SLC24A3: variants seen among roughly 807,000 people sequenced by gnomAD.
The protein encoded by SLC24A3 is sodium/potassium/calcium exchanger 3.
SLC24A3 carries 28 observed loss-of-function variants against 75.8 expected under a neutral mutation model. That is an observed-to-expected ratio of 0.37 (90% confidence interval 0.27 to 0.51). The LOEUF (loss-of-function observed/expected upper bound fraction) is 0.51. Ranked by LOEUF, SLC24A3 falls within the 20% of genes least tolerant of loss-of-function variation. The pLI is 0.94. For missense variants in SLC24A3, 663 were observed against 847.8 expected (o/e 0.78, Z 2.71); for synonymous variants, 372 against 334.1 (o/e 1.11, Z -1.24).
At chr20:19,545,291 G>A (rs947277152) in intron 3 of SLC24A3, among the ~76,000 whole-genome samples, 2 of 152,328 alleles carry the variant, frequency 1.3e-5, no homozygotes, top group African/African-American at 2.4e-5. Flanking sequence ...GTGGACAAAC[G>A]CAGGTCGGGA....
At chr20:19,229,100 T>G (rs1234888371) in intron 1 of SLC24A3, among the ~76,000 whole-genome samples, 1 of 152,226 alleles carries the variant, frequency 6.6e-6, no homozygotes, top group Admixed American at 6.5e-5. Flanking sequence ...GTGGGTAATT[T>G]ATGTTTTCCT....
intron 2 of SLC24A3, among the ~76,000 whole-genome samples, chr20:19,449,746 T>C (rs772632434): frequency 6.6e-6 from 1 of 152,200 alleles, no homozygotes; most frequent in African/African-American, 2.4e-5. Flanking sequence ...AGGAATAACT[T>C]GCTACAGTAA....
At chr20:19,245,226 C>T (rs879336852) in intron 1 of SLC24A3, among the ~76,000 whole-genome samples, 4 of 152,072 alleles carry the variant, frequency 2.6e-5, no homozygotes, top group Non-Finnish European at 5.9e-5. Context: ...TCCTGGAAAC[C>T]TCATGCCAAG....
intron 2 of SLC24A3, among the ~76,000 whole-genome samples, chr20:19,384,967 G>A (rs1047145969): frequency 6.6e-6 from 1 of 152,030 alleles, no homozygotes; most frequent in East Asian, 1.9e-4. Flanking sequence ...CAGGACCCTT[G>A]ATCATTTTTT....
chr20:19,403,874 G>A (rs891947522), intron 2 of SLC24A3, among the ~76,000 whole-genome samples: 8 of 152,132 alleles, frequency 5.3e-5, no homozygotes, highest in African/African-American at 9.7e-5. Flanking sequence ...TGGTTTTCTC[G>A]ACCATTTATG....
At chr20:19,288,556 A>T (rs1983866219) in intron 2 of SLC24A3, among the ~76,000 whole-genome samples, 1 of 152,244 alleles carries the variant, frequency 6.6e-6, no homozygotes, top group African/African-American at 2.4e-5. Flanking sequence ...AGTCCTTTAG[A>T]CATTTCAAAG....
At chr20:19,625,671 A>G (rs1370658443) in intron 6 of SLC24A3, among the ~76,000 whole-genome samples, 3 of 152,334 alleles carry the variant, frequency 2.0e-5, no homozygotes, top group African/African-American at 7.2e-5. Context: ...AACAGCTGCA[A>G]TCATAACCCT....
intron 3 of SLC24A3, among the ~76,000 whole-genome samples, chr20:19,533,674 G>A (rs1287635476): frequency 6.6e-6 from 1 of 152,198 alleles, no homozygotes; most frequent in Admixed American, 6.5e-5. Flanking sequence ...GATGGCAAGA[G>A]CTTGGGCAGG....
At chr20:19,482,341 G>A (rs1049049977) in intron 2 of SLC24A3, among the ~76,000 whole-genome samples, 2 of 151,958 alleles carry the variant, frequency 1.3e-5, no homozygotes, top group Non-Finnish European at 2.9e-5. Context: ...CCTCCCCCAG[G>A]CTTCTCTGGG....
chr20:19,431,014 G>A (rs1202388900), intron 2 of SLC24A3, among the ~76,000 whole-genome samples: 1 of 152,080 alleles, frequency 6.6e-6, no homozygotes, highest in Non-Finnish European at 1.5e-5. Flanking sequence ...GCACAGACAG[G>A]TATCTCTGCT....
intron 6 of SLC24A3, among the ~76,000 whole-genome samples, chr20:19,603,444 G>A (rs3790274): frequency 5.9e-5 from 9 of 151,958 alleles, no homozygotes; most frequent in South Asian, 2.1e-4. Context: ...GTTGTTTGCC[G>A]GCTCTTGGTG....
At chr20:19,497,894 C>A (rs1007436479) in intron 2 of SLC24A3, among the ~76,000 whole-genome samples, 9 of 152,144 alleles carry the variant, frequency 5.9e-5, no homozygotes, top group Non-Finnish European at 1.2e-4. Context: ...GACCATGGAC[C>A]AGTACCAATC....
chr20:19,213,026 G>A (rs1015905243), intron 1 of SLC24A3, 42 bp downstream of exon 1: 1 of 1,202,910 alleles, frequency 8.3e-7, no homozygotes. Context: ...CTGCGGCTCC[G>A]GCGGCTCGGG....
chr20:19,634,938 G>T (rs2031981362), intron 6 of SLC24A3, among the ~76,000 whole-genome samples: 1 of 152,154 alleles, frequency 6.6e-6, no homozygotes, highest in East Asian at 1.9e-4. Flanking sequence ...CAAGATAGAA[G>T]AAATTTAATT....
At chr20:19,591,575 G>T (rs1156405707) in intron 6 of SLC24A3, among the ~76,000 whole-genome samples, 1 of 151,796 alleles carries the variant, frequency 6.6e-6, no homozygotes, top group Non-Finnish European at 1.5e-5. Context: ...GAAAGAGAAA[G>T]AGGATGTCTC....
At position 19,722,045 on chromosome 20, in the gene SLC24A3, A is replaced by T. The variant is rs1231841032; in HGVS notation, c.*905A>T. 1 of 152,648 alleles carries T rather than the reference A, an allele frequency of 6.6e-6. No individual in the cohort carries two copies. The highest frequency in any genetic ancestry group is 1.5e-5 in the Non-Finnish European group (1 of 68,076). 9.5% of individuals were successfully genotyped at this position (152,648 alleles called of 1,614,324 possible). On this transcript the variant is annotated 3_prime_UTR_variant, in exon 17 of 17. Coordinates refer to ENST00000328041, the MANE Select transcript of SLC24A3 (RefSeq NM_020689.4). Reference sequence around the variant, plus strand: ...CCCCAGTTAAACAAACTACCCATCCATGAGCTGCCAGGCAGTCAAAAACAG... The same window carrying T: ...CCCCAGTTAAACAAACTACCCATCCTTGAGCTGCCAGGCAGTCAAAAACAG...
intron 14 of SLC24A3, among the ~76,000 whole-genome samples, chr20:19,697,963 G>T (rs2032829776): frequency 6.6e-6 from 1 of 152,202 alleles, no homozygotes; most frequent in Admixed American, 6.5e-5. Flanking sequence ...TCAAAAAAGA[G>T]CTCTAACTGG....
At chr20:19,530,717 T>C (rs6075526) in intron 3 of SLC24A3, among the ~76,000 whole-genome samples, 22,656 of 152,206 alleles carry the variant, frequency 0.15, 1,831 homozygotes, top group Middle Eastern at 0.2. Context: ...TTCCCCAGAA[T>C]GCAACCACTT....
At chr20:19,393,781 A>T (rs1441106291) in intron 2 of SLC24A3, among the ~76,000 whole-genome samples, 1 of 152,214 alleles carries the variant, frequency 6.6e-6, no homozygotes, top group Non-Finnish European at 1.5e-5. Context: ...AGATGTCAAG[A>T]TTACACAAAA....
Sources: allele counts gnomAD v4.1 joint callset (sites outside exome capture counted in the v4.1 genomes callset), GRCh38; gene constraint gnomAD v4.1.1; transcripts MANE v1.5; gene names NCBI Gene and HGNC (gene_info 2026-07-23, HGNC 2026-07-21).